Variants in ULK4 observed in about 807,000 individuals in gnomAD.
The protein encoded by ULK4 is unc-51 like kinase 4.
A neutral mutation model predicts 160.6 loss-of-function variants in ULK4; 133 were observed. The observed-to-expected ratio is 0.83, with a 90% CI of 0.72 to 0.96. The LOEUF is 0.96. Ranked by LOEUF, ULK4 falls within the 40% of genes least tolerant of loss-of-function variation. The pLI is 0.00. For missense variants in ULK4, 1,580 were observed against 1,499.5 expected, an observed-to-expected ratio of 1.05 and a Z score of -0.89; for synonymous variants, 534 against 539.8, an observed-to-expected ratio of 0.99 and a Z score of 0.15.
At chr3:41,907,744 G>A in intron 12 of ULK4, 101 bp downstream of exon 12, 1 of 688,486 alleles carries the variant, frequency 1.5e-6, no homozygotes, top group Non-Finnish European at 2.2e-6. Flanking sequence ...TGACCTTATT[G>A]TAAATTTTGT....
At chr3:41,739,648 C>T (rs1284804732) in intron 22 of ULK4, among the ~76,000 whole-genome samples, 1 of 151,866 alleles carries the variant, frequency 6.6e-6, no homozygotes, top group African/African-American at 2.4e-5. Flanking sequence ...AGAATGAGCA[C>T]ATGCATGTTC....
intron 31 of ULK4, among the ~76,000 whole-genome samples, chr3:41,602,186 T>A (rs2032109870): frequency 6.9e-6 from 1 of 145,178 alleles, no homozygotes; most frequent in Non-Finnish European, 1.5e-5. Context: ...AGAGCAAGAC[T>A]CTGTCTGTAA....
intron 34 of ULK4, among the ~76,000 whole-genome samples, chr3:41,406,667 A>T (rs771554648): frequency 2.7e-4 from 41 of 152,126 alleles, no homozygotes; most frequent in Non-Finnish European, 4.7e-4. Flanking sequence ...CCTGTTTCTC[A>T]TTCTGCTCAT....
chr3:41,604,528 A>G (rs1233025640), intron 31 of ULK4, among the ~76,000 whole-genome samples: 1 of 152,180 alleles, frequency 6.6e-6, no homozygotes, highest in Middle Eastern at 3.2e-3. Flanking sequence ...CATAACATTC[A>G]TGAGTCATTA....
At position 41,493,396 on chromosome 3, in the gene ULK4, A is replaced by C. The variant is rs550096526; in HGVS notation, c.3227-30143T>G. On this transcript the variant is annotated intron_variant, in intron 32 of 36. Transcript: ENST00000301831. ...TGAAACCAACGAGAACAAAGACACA[A>C]CATACCAGAATCTCTGGGACACATT... Among the ~76,000 whole-genome samples the C allele has an allele frequency of 2.4e-3, 346 of 141,328 alleles. 1 individual carries two copies. The highest frequency in any genetic ancestry group is 0.013 in the East Asian group (64 of 5,086). The allele number at this position is 141,328 out of a possible 152,430, so 92.7% of individuals were successfully genotyped here. A position where few individuals can be genotyped will look rare whatever the true frequency, so the allele number is the denominator to read the frequency against.
Position 41,935,816 on chromosome 3 carries a change from G to A in ULK4, c.363C>T (p.Asp121=). Residue 121 remains aspartate, a synonymous_variant, in exon 4 of 37, where the codon GAC becomes GAT. Coordinates refer to ENST00000301831, the MANE Select transcript of ULK4 (RefSeq NM_017886.4). ...CATGAATTACCTTCCTAGGAGAAAT[G>A]TCACAAAAGAGAATGCCAAGTTTAT... ...HLHKLGILFC[D]ISPRKILLEG... The A allele has an allele frequency of 6.2e-7, 1 of 1,610,750 alleles. No individual in the cohort carries two copies. The highest frequency in any genetic ancestry group is 8.5e-7 in the Non-Finnish European group (1 of 1,178,940).
Position 41,702,912 on chromosome 3 carries a change from A to G in ULK4, c.2781+2145T>C, listed in dbSNP as rs755413549. 1.0e-3 allele frequency among the ~76,000 whole-genome samples: 150 copies of G among 146,478 alleles called. 2 individuals are homozygous for G. The highest frequency in any genetic ancestry group is 3.7e-4 in the Non-Finnish European group (25 of 67,616). ...CTTTGTCACCAGCCTGGAGTGCAGC[A>G]GCACAACCTCAGCTCACTGCAACCT... On this transcript the variant is annotated intron_variant, in intron 27 of 36. Transcript: ENST00000301831.
At chr3:41,394,699 C>T (rs1206427186) in intron 35 of ULK4, among the ~76,000 whole-genome samples, 1 of 152,058 alleles carries the variant, frequency 6.6e-6, no homozygotes, top group Non-Finnish European at 1.5e-5. Context: ...AATTGGAGGC[C>T]ATCTGTATTC....
intron 22 of ULK4, among the ~76,000 whole-genome samples, chr3:41,721,335 T>TAA (rs2037455025): frequency 3.6e-5 from 1 of 27,558 alleles, no homozygotes; most frequent in African/African-American, 1.9e-4. Flanking sequence ...TTAATGTAAA[T>TAA]ATATATATAT....
rs553899444 is a variant in ULK4, at chr3:41,470,596, G to A, written c.3227-7343C>T. ...TAGAACTCTAATTGCGGCATGTAAA[G>A]TGGTTTTACTCCTAGTGTGAGGGTT... On this transcript the variant is annotated intron_variant, in intron 32 of 36. Coordinates refer to ENST00000301831, the MANE Select transcript of ULK4 (RefSeq NM_017886.4). Among the ~76,000 whole-genome samples, 4 of 152,238 alleles carry A rather than the reference G, an allele frequency of 2.6e-5. No homozygotes were observed. The South Asian group carries it at 6.2e-4, about 24-fold the overall frequency.
chr3:41,441,747 G>A (rs1373425810), intron 34 of ULK4, among the ~76,000 whole-genome samples: 1 of 152,062 alleles, frequency 6.6e-6, no homozygotes, highest in Non-Finnish European at 1.5e-5. Flanking sequence ...TTCCCTTGCT[G>A]ATTTTCTTTC....
intron 35 of ULK4, among the ~76,000 whole-genome samples, chr3:41,338,666 C>T (rs942751215): frequency 2.0e-5 from 3 of 152,030 alleles, no homozygotes; most frequent in Non-Finnish European, 2.9e-5. Context: ...TTGGAGGGTA[C>T]AGCAGTGTGT....
chr3:41,390,431 C>G lies in ULK4; in HGVS notation c.3678+7648G>C, dbSNP rs1202596840. Among the ~76,000 whole-genome samples, 3 of 152,084 alleles carry G rather than the reference C, an allele frequency of 2.0e-5. No individual in the cohort carries two copies. In the East Asian group the frequency reaches 5.8e-4, roughly 29 times the overall value. ...TAGCTTTCGAATGTGTTTGCTCTTG[C>G]TTTTCCAGTTCTTTTAATTGTGATG... On this transcript the variant is annotated intron_variant, in intron 35 of 36. Coordinates refer to ENST00000301831, the MANE Select transcript of ULK4 (RefSeq NM_017886.4).
intron 1 of ULK4, among the ~76,000 whole-genome samples, chr3:41,961,629 T>C (rs1260054736): frequency 6.8e-6 from 1 of 146,590 alleles, no homozygotes; most frequent in Admixed American, 6.8e-5. Flanking sequence ...GCTACGTCCG[T>C]AGGCATCAGT....
intron 31 of ULK4, among the ~76,000 whole-genome samples, chr3:41,607,393 A>T (rs2032432162): frequency 6.6e-6 from 1 of 152,174 alleles, no homozygotes; most frequent in African/African-American, 2.4e-5. Context: ...TTTGAGCAAA[A>T]ACAATGATAA....
chr3:41,592,277 G>C (rs375049402), intron 31 of ULK4, among the ~76,000 whole-genome samples: 24 of 151,250 alleles, frequency 1.6e-4, no homozygotes, highest in Non-Finnish European at 2.8e-4. Context: ...TTAGAGAGCC[G>C]AGTGAAATAC....
chr3:41,566,527 T>C (rs2087789496), intron 31 of ULK4, among the ~76,000 whole-genome samples: 3 of 152,244 alleles, frequency 2.0e-5, no homozygotes, highest in African/African-American at 7.2e-5. Context: ...ATTATGCTGG[T>C]ACTGATATTT....
At chr3:41,662,963 GTAATC>G (rs1298517649) in intron 30 of ULK4, among the ~76,000 whole-genome samples, 7 of 152,006 alleles carry the variant, frequency 4.6e-5, no homozygotes, top group African/African-American at 1.7e-4. Context: ...GCTCATGACT[GTAATC>G]CCAGCACTTT....
intron 17 of ULK4, among the ~76,000 whole-genome samples, chr3:41,872,717 A>G (rs1402383643): frequency 1.3e-5 from 2 of 152,118 alleles, no homozygotes; most frequent in Non-Finnish European, 2.9e-5. Flanking sequence ...CCACGAGCCC[A>G]GGCCTGGTTT....
Sources: allele counts gnomAD v4.1 joint callset (sites outside exome capture counted in the v4.1 genomes callset), GRCh38; gene constraint gnomAD v4.1.1; transcripts MANE v1.5; gene names NCBI Gene and HGNC (gene_info 2026-07-23, HGNC 2026-07-21).